HDLBP: variants seen among roughly 807,000 people sequenced by gnomAD.
The protein encoded by HDLBP is high density lipoprotein binding protein.
In HDLBP, 30 loss-of-function variants were observed where a neutral mutation model predicts 137.3. That is an observed-to-expected ratio of 0.22 (90% CI 0.16 to 0.30). The LOEUF is 0.30. Among genes scored for constraint, HDLBP ranks in the 10% least tolerant of loss-of-function variants. HDLBP has a pLI of 1.00. For synonymous variants in HDLBP, 606 were observed against 596.0 expected, an observed-to-expected ratio of 1.02 and a Z score of -0.24; for missense variants, 1,119 against 1,667.3, an observed-to-expected ratio of 0.67 and a Z score of 5.73.
intron 1 of HDLBP, among the ~76,000 whole-genome samples, chr2:241,277,615 G>C (rs1239649126): frequency 2.0e-5 from 3 of 152,176 alleles, no homozygotes; most frequent in Non-Finnish European, 4.4e-5. Context: ...AACTGAGTTA[G>C]AAATATAGTT....
Position 241,313,976 on chromosome 2 carries a change from A to G in HDLBP, c.-103+1594T>C, listed in dbSNP as rs143257476. Among the ~76,000 whole-genome samples, 1,194 of 152,332 alleles carry G rather than the reference A, an allele frequency of 7.8e-3. 5 individuals carry two copies. The highest frequency in any genetic ancestry group is 0.02 in the Middle Eastern group (6 of 294). On this transcript the variant is annotated intron_variant, in intron 1 of 27. Coordinates refer to ENST00000310931, the MANE Select transcript of HDLBP (RefSeq NM_005336.6). Reference sequence around the variant, plus strand: ...CAGTGCTTGGCACCAAGCAAAACTAATAGCAGTAACAGGAAAGTTTAATCC... The same window carrying G: ...CAGTGCTTGGCACCAAGCAAAACTAGTAGCAGTAACAGGAAAGTTTAATCC...
Position 241,233,852 on chromosome 2 carries a change from T to C in HDLBP, c.3256A>G (p.Ile1086Val). The change falls in exon 24 of 28, where the codon ATC becomes GTC. Residue 1086 changes from isoleucine (I) to valine (V), a missense_variant. Coordinates refer to ENST00000310931, the MANE Select transcript of HDLBP (RefSeq NM_005336.6). This position sits in a 1 kb window ranked among gnomAD's most constrained non-coding sequence, Gnocchi z 4.3. ...CCATCGTCCTTATCAGGAAACTGGA[T>C]GTTCACGTCATGCTCCAACCGGATT... Reference protein sequence around the residue: ...TQIRLEHDVNIQFPDKDDGNQ... With the variant: ...TQIRLEHDVNVQFPDKDDGNQ... 1 of 1,614,184 alleles carries C rather than the reference T, an allele frequency of 6.2e-7. No individual in the cohort carries two copies. Among genetic ancestry groups the C allele is most frequent in the Non-Finnish European group, 8.5e-7 (1 of 1,180,032 alleles).
chr2:241,266,633 C>T (rs573558386), intron 3 of HDLBP, 161 bp downstream of exon 3: 648 of 612,204 alleles, frequency 1.1e-3, no homozygotes, highest in Non-Finnish European at 1.6e-3. Context: ...CGCCCCTGCA[C>T]GCACAGCAAT....
intron 4 of HDLBP, among the ~76,000 whole-genome samples, chr2:241,263,759 A>G (rs1196194222): frequency 6.6e-6 from 1 of 152,240 alleles, no homozygotes; most frequent in Non-Finnish European, 1.5e-5. Flanking sequence ...GAAGCCAAAG[A>G]AAACCAGGAA....
chr2:241,239,580 C>T lies in HDLBP; in HGVS notation c.2610+22G>A. On this transcript the variant is annotated intron_variant, in intron 19 of 27. Transcript: ENST00000310931. The surrounding 1 kb of genome is among the most constrained non-coding windows in gnomAD (Gnocchi z 4.6). ...TGGCCACTGGGGGGTGAGAACCCCT[C>T]CCCGAGCACCCAAGTGCCTACCAGG... is the stretch of plus-strand genomic sequence containing the variant. The T allele has an allele frequency of 6.2e-7, 1 of 1,605,190 alleles. No individual in the cohort carries two copies. The highest frequency in any genetic ancestry group is 8.5e-7 in the Non-Finnish European group (1 of 1,172,262).
intron 1 of HDLBP, among the ~76,000 whole-genome samples, chr2:241,295,409 C>T (rs1228434779): frequency 6.6e-6 from 1 of 152,100 alleles, no homozygotes; most frequent in African/African-American, 2.4e-5. Flanking sequence ...TTTAGAAAAC[C>T]TCTCTATTAT....
intron 11 of HDLBP, chr2:241,250,256 C>T: frequency 3.3e-6 from 1 of 306,546 alleles, no homozygotes. Flanking sequence ...ACGGTTGGGG[C>T]CACTCAGTCT....
intron 1 of HDLBP, chr2:241,302,573 G>A (rs937379884): frequency 6.6e-6 from 1 of 152,154 alleles, no homozygotes; most frequent in Non-Finnish European, 1.5e-5. Context: ...CCAAATAAAT[G>A]ACCCCCTTTA....
intron 1 of HDLBP, chr2:241,273,572 T>C: frequency 5.1e-6 from 5 of 983,098 alleles, no homozygotes; most frequent in Non-Finnish European, 6.0e-6. Flanking sequence ...TAACTGCCAC[T>C]GTTTCTTTTA....
chr2:241,229,784 G>GCCCCCCCCCC, intron 27 of HDLBP, 49 bp downstream of exon 27: 1 of 1,502,550 alleles, frequency 6.7e-7, no homozygotes, highest in Non-Finnish European at 9.1e-7. Flanking sequence ...AAGCCCGCCT[G>GCCCCCCCCCC]CCCGCCCACC....
At position 241,272,209 on chromosome 2, in the gene HDLBP, G is replaced by A. The variant is rs2074109904; in HGVS notation, c.-102-3668C>T. The A allele has an allele frequency of 4.1e-6, 4 of 983,926 alleles. No individual in the cohort carries two copies. The highest frequency in any genetic ancestry group is 4.8e-6 in the Non-Finnish European group (4 of 828,662). 60.9% of individuals were successfully genotyped at this position (983,926 alleles called of 1,614,324 possible). A position where few individuals can be genotyped will look rare whatever the true frequency, so the allele number is the denominator to read the frequency against. On this transcript the variant is annotated intron_variant, in intron 1 of 27. Transcript: ENST00000310931. The surrounding 1 kb of genome is among the most constrained non-coding windows in gnomAD (Gnocchi z 5.6). ...GCGCGGCAGGTGGAGGTGCTGCGGG[G>A]GCCCCGCCGCCCGGTCTGCGCCCAG...
At chr2:241,270,700 AC>A (rs936518798) in intron 1 of HDLBP, among the ~76,000 whole-genome samples, 1 of 152,024 alleles carries the variant, frequency 6.6e-6, no homozygotes, top group African/African-American at 2.4e-5. Flanking sequence ...CCCCATGTCC[AC>A]CCCGCACTGC....
At chr2:241,253,644 TCAAA>T in intron 9 of HDLBP, 147 bp from the exon 10 acceptor site, 1 of 630,778 alleles carries the variant, frequency 1.6e-6, no homozygotes, top group Non-Finnish European at 2.9e-6. Flanking sequence ...TCCACAGCCA[TCAAA>T]CAAAGTTGAA....
intron 1 of HDLBP, among the ~76,000 whole-genome samples, chr2:241,305,409 C>A (rs1381889836): frequency 1.3e-5 from 2 of 152,204 alleles, no homozygotes; most frequent in Non-Finnish European, 2.9e-5. Context: ...AGGCGTGAAC[C>A]ACCGGACCTG....
chr2:241,230,703 G>T lies in HDLBP; in HGVS notation c.3474+56C>A. On this transcript the variant is annotated intron_variant, in intron 25 of 27. Coordinates refer to ENST00000310931, the MANE Select transcript of HDLBP (RefSeq NM_005336.6). The surrounding 1 kb of genome is among the most constrained non-coding windows in gnomAD (Gnocchi z 5.0). ...CATGCCCTGCTCTTTCTTCTGGCCA[G>T]CCAGGTGCCCCCGGTGAGAGAGGAT... is the stretch of plus-strand genomic sequence containing the variant. The T allele has an allele frequency of 6.6e-7, 1 of 1,504,178 alleles. No individual in the cohort carries two copies. The highest frequency in any genetic ancestry group is 9.2e-7 in the Non-Finnish European group (1 of 1,088,070). The allele number at this position is 1,504,178 out of a possible 1,614,324, so 93.2% of individuals were successfully genotyped here.
At chr2:241,264,401 G>C in intron 4 of HDLBP, 47 bp downstream of exon 4, 2 of 1,232,546 alleles carry the variant, frequency 1.6e-6, no homozygotes, top group Non-Finnish European at 2.3e-6. Context: ...AATTTACATA[G>C]ACATGTTACA....
At chr2:241,314,419 T>G (rs2075913288) in intron 1 of HDLBP, among the ~76,000 whole-genome samples, 1 of 152,220 alleles carries the variant, frequency 6.6e-6, no homozygotes, top group Non-Finnish European at 1.5e-5. Context: ...GGAAGTTAGC[T>G]GCTAAGAAAG....
chr2:241,302,212 A>G lies in HDLBP; in HGVS notation c.-103+13358T>C, dbSNP rs377421457. On this transcript the variant is annotated intron_variant, in intron 1 of 27. Coordinates refer to ENST00000310931, the MANE Select transcript of HDLBP (RefSeq NM_005336.6). ...GTTCGAGACTGCAGTGAGCTATGAT[A>G]GTGTCACTGTACTCCAACTAGTGAC... 6.9e-4 allele frequency among the ~76,000 whole-genome samples: 105 copies of G among 152,272 alleles called. 2 individuals are homozygous for G. The South Asian group carries it at 0.021, about 30-fold the overall frequency.
At chr2:241,245,187 C>CTT (rs72269646) in intron 16 of HDLBP, among the ~76,000 whole-genome samples, 5 of 143,242 alleles carry the variant, frequency 3.5e-5, no homozygotes, top group African/African-American at 7.7e-5. Context: ...AATCTTTTTT[C>CTT]TTTTTTTTTT....
Sources: allele counts gnomAD v4.1 joint callset (sites outside exome capture counted in the v4.1 genomes callset), GRCh38; gene constraint gnomAD v4.1.1; non-coding constraint Gnocchi (gnomAD v3.1); transcripts MANE v1.5; gene names NCBI Gene and HGNC (gene_info 2026-07-23, HGNC 2026-07-21).